The following HDX variants were observed in gnomAD, a reference collection of about 807,000 sequenced individuals.
The protein encoded by HDX is highly divergent homeobox, also known as chromosome X open reading frame 43.
In HDX, 19 loss-of-function variants were observed where a neutral mutation model predicts 45.2. That is an observed-to-expected ratio of 0.42 (90% CI 0.29 to 0.62). The LOEUF is 0.62. Ranked by LOEUF, HDX falls within the 20% of genes least tolerant of loss-of-function variation. HDX has a pLI of 0.20. For synonymous variants in HDX, 188 were observed against 172.8 expected, an observed-to-expected ratio of 1.09 and a Z score of -0.69; for missense variants, 532 against 493.9, an observed-to-expected ratio of 1.08 and a Z score of -0.73.
chrX:84,491,114 G>A (rs976137647), intron 1 of HDX, among the ~76,000 whole-genome samples: 3 of 111,280 alleles, frequency 2.7e-5, no homozygotes, highest in Admixed American at 9.6e-5. Context: ...TCAACTGTTC[G>A]TTTTTAGATA....
At chrX:84,444,278 T>C (rs2039825044) in intron 4 of HDX, among the ~76,000 whole-genome samples, 1 of 111,399 alleles carries the variant, frequency 9.0e-6, no homozygotes, top group South Asian at 3.8e-4. Flanking sequence ...CATTTATATC[T>C]AATTCTGTAG....
At chrX:84,336,656 A>T (rs750270072) in intron 8 of HDX, 145 bp downstream of exon 8, 36 of 438,725 alleles carry the variant, frequency 8.2e-5, no homozygotes, top group African/African-American at 5.2e-4. Flanking sequence ...GCCATCAAAG[A>T]TATGTAATTT....
At chrX:84,393,101 C>T (rs2038480591) in intron 5 of HDX, among the ~76,000 whole-genome samples, 1 of 111,325 alleles carries the variant, frequency 9.0e-6, no homozygotes, top group Non-Finnish European at 1.9e-5. Context: ...TGTATTGTTC[C>T]AGTTCTTAAA....
intron 5 of HDX, 176 bp downstream of exon 5, chrX:84,440,339 TACTACATTATAATTAAG>T (rs1339665991): frequency 5.1e-6 from 2 of 392,531 alleles, no homozygotes; most frequent in Non-Finnish European, 8.8e-6. Context: ...GTGTGCTGAG[TACTACATTATAATTAAG>T]ATTACATTTG....
At chrX:84,383,136 T>G (rs1386913974) in intron 5 of HDX, among the ~76,000 whole-genome samples, 1 of 111,100 alleles carries the variant, frequency 9.0e-6, no homozygotes, top group Non-Finnish European at 1.9e-5. Flanking sequence ...GCCTTCCTAA[T>G]CTACCTTTAT....
chrX:84,437,909 G>A (rs941027074), intron 5 of HDX, among the ~76,000 whole-genome samples: 6 of 110,713 alleles, frequency 5.4e-5, no homozygotes, highest in African/African-American at 1.6e-4. Flanking sequence ...TTCTGATGTG[G>A]GAGAGAACGT....
At chrX:84,416,738 T>A (rs1193407907) in intron 5 of HDX, among the ~76,000 whole-genome samples, 4 of 111,712 alleles carry the variant, frequency 3.6e-5, no homozygotes, top group Non-Finnish European at 7.5e-5. Context: ...TTGGTTAAAT[T>A]AGTTTTAATA....
In HDX at chrX:84,415,439, C is replaced by A. The variant is rs191145828; in HGVS notation, c.1305+25093G>T. Among the ~76,000 whole-genome samples, 17 of 111,783 alleles carry A rather than the reference C, an allele frequency of 1.5e-4. No homozygotes were observed. In the East Asian group the frequency reaches 4.3e-3, roughly 28 times the overall value. ...GGTAGCATTGGTTCCTGTTTTTCCACACTACCAGAACCAGCCTCCTTGTGC... is the reference window on the plus strand; with the variant it reads ...GGTAGCATTGGTTCCTGTTTTTCCAAACTACCAGAACCAGCCTCCTTGTGC... On this transcript the variant is annotated intron_variant, in intron 5 of 10. Transcript: ENST00000373177.
intron 5 of HDX, among the ~76,000 whole-genome samples, chrX:84,410,859 G>A (rs920274570): frequency 1.8e-5 from 2 of 111,208 alleles, no homozygotes; most frequent in South Asian, 3.8e-4. Context: ...TTATTGGTTT[G>A]TTTAGGGTTT....
intron 5 of HDX, among the ~76,000 whole-genome samples, chrX:84,374,499 A>T (rs2037989017): frequency 9.2e-6 from 1 of 108,869 alleles, no homozygotes; most frequent in Non-Finnish European, 1.9e-5. Flanking sequence ...ATGCTACCTG[A>T]CTTCAAACTA....
chrX:84,332,075 T>A (rs1466531934), intron 9 of HDX, among the ~76,000 whole-genome samples: 1 of 111,585 alleles, frequency 9.0e-6, no homozygotes, highest in Non-Finnish European at 1.9e-5. Context: ...TGAAGACAGA[T>A]AAATTACTAA....
At chrX:84,343,749 A>G (rs1418163868) in intron 7 of HDX, among the ~76,000 whole-genome samples, 1 of 111,451 alleles carries the variant, frequency 9.0e-6, no homozygotes, top group Non-Finnish European at 1.9e-5. Flanking sequence ...TTTTTTAGAG[A>G]AAAATTAAGA....
chrX:84,499,112 A>G (rs755460891), intron 1 of HDX, among the ~76,000 whole-genome samples: 12 of 112,227 alleles, frequency 1.1e-4, no homozygotes, highest in African/African-American at 3.9e-4. Context: ...AATAAGATAT[A>G]TAAAGTTTTT....
intron 5 of HDX, among the ~76,000 whole-genome samples, chrX:84,409,655 T>C (rs1319361737): frequency 1.1e-5 from 1 of 90,663 alleles, no homozygotes; most frequent in Non-Finnish European, 2.1e-5. Flanking sequence ...TTCTCACTCA[T>C]AGGTGGGAAT....
intron 9 of HDX, among the ~76,000 whole-genome samples, chrX:84,326,815 G>A (rs2147756131): frequency 9.1e-6 from 1 of 109,908 alleles, no homozygotes; most frequent in African/African-American, 3.3e-5. Context: ...GGGAGGCTGA[G>A]GCAGAAGAAT....
At chrX:84,393,215 G>T (rs1042463152) in intron 5 of HDX, among the ~76,000 whole-genome samples, 1 of 111,122 alleles carries the variant, frequency 9.0e-6, no homozygotes, top group Admixed American at 9.6e-5. Flanking sequence ...TTTGTTGAGA[G>T]CTTTGGCATA....
chrX:84,464,750 A>T (rs1437031862), intron 4 of HDX, among the ~76,000 whole-genome samples: 1 of 112,113 alleles, frequency 8.9e-6, no homozygotes, highest in Non-Finnish European at 1.9e-5. Flanking sequence ...AATACCATTC[A>T]GGACATAGGT....
At chrX:84,442,183 T>A (rs1027211977) in intron 4 of HDX, among the ~76,000 whole-genome samples, 2 of 111,548 alleles carry the variant, frequency 1.8e-5, no homozygotes, top group Admixed American at 1.9e-4. Context: ...ACAAGGCAAA[T>A]CAGTCTCAGT....
intron 4 of HDX, among the ~76,000 whole-genome samples, chrX:84,452,931 C>T (rs2040032709): frequency 9.0e-6 from 1 of 111,553 alleles, no homozygotes; most frequent in Admixed American, 9.5e-5. Flanking sequence ...ATGGCTAAGA[C>T]CTCAAAAGAA....
Sources: gnomAD v4.1 joint callset for allele counts (sites outside exome capture counted in the v4.1 genomes callset) on GRCh38, gnomAD v4.1.1 for gene constraint, MANE v1.5 for transcripts, NCBI Gene and HGNC (gene_info 2026-07-23, HGNC 2026-07-21) for gene names.